The following NDUFAF2 variants were observed in gnomAD, a reference collection of about 807,000 sequenced individuals.
NDUFAF2 encodes the protein NADH:ubiquinone oxidoreductase complex assembly factor 2, also known as NADH dehydrogenase [ubiquinone] 1 alpha subcomplex assembly factor 2.
NDUFAF2 carries 13 observed loss-of-function variants against 22.8 expected under a neutral mutation model. The observed-to-expected ratio is 0.57, with a 90% confidence interval of 0.37 to 0.91. The LOEUF is 0.91. Ranked by LOEUF, NDUFAF2 falls within the 40% of genes least tolerant of loss-of-function variation. NDUFAF2 has a pLI of 0.01. For missense variants in NDUFAF2, 162 were observed against 195.2 expected (o/e 0.83, Z 1.01); for synonymous variants, 53 against 64.2 (o/e 0.83, Z 0.84).
chr5:61,062,800 C>T (rs906002985), intron 1 of NDUFAF2, among the ~76,000 whole-genome samples: 1 of 151,898 alleles, frequency 6.6e-6, no homozygotes, highest in Non-Finnish European at 1.5e-5. Context: ...GTAAAAGAAG[C>T]AAGAAAAAAG....
At chr5:61,034,719 A>G (rs1176063440) in intron 1 of NDUFAF2, among the ~76,000 whole-genome samples, 5 of 152,218 alleles carry the variant, frequency 3.3e-5, no homozygotes, top group African/African-American at 9.6e-5. Context: ...ACAAAACAGC[A>G]TGTTCAAACT....
At chr5:61,088,657 G>C (rs1752532889) in intron 2 of NDUFAF2, among the ~76,000 whole-genome samples, 1 of 152,106 alleles carries the variant, frequency 6.6e-6, no homozygotes, top group African/African-American at 2.4e-5. Context: ...CACAAAATTT[G>C]TAACTTAAAG....
intron 1 of NDUFAF2, among the ~76,000 whole-genome samples, chr5:61,058,332 C>G (rs1267443379): frequency 2.0e-5 from 3 of 151,940 alleles, no homozygotes; most frequent in African/African-American, 4.8e-5. Context: ...ATTAGATTTT[C>G]AAAGTGAAAA....
At chr5:61,022,722 G>GCAAC (rs1751600013) in intron 1 of NDUFAF2, among the ~76,000 whole-genome samples, 1 of 152,158 alleles carries the variant, frequency 6.6e-6, no homozygotes, top group Non-Finnish European at 1.5e-5. Context: ...TCAGCTCACT[G>GCAAC]CAACCTCTGC....
chr5:60,956,657 AT>A (rs1170214614), intron 1 of NDUFAF2, among the ~76,000 whole-genome samples: 3 of 152,106 alleles, frequency 2.0e-5, no homozygotes, highest in Admixed American at 6.5e-5. Flanking sequence ...TGATTTGTAT[AT>A]GTTATCTCAA....
chr5:61,068,332 GTTA>G (rs1324271653), intron 1 of NDUFAF2, among the ~76,000 whole-genome samples: 3 of 152,064 alleles, frequency 2.0e-5, no homozygotes, highest in Non-Finnish European at 4.4e-5. Context: ...CAAAAGAAAT[GTTA>G]TTAACACACT....
chr5:61,090,806 A>G (rs967064871), intron 2 of NDUFAF2, among the ~76,000 whole-genome samples: 1 of 152,024 alleles, frequency 6.6e-6, no homozygotes, highest in East Asian at 1.9e-4. Context: ...CTAGTACCCC[A>G]TTAGTTATTT....
intron 1 of NDUFAF2, among the ~76,000 whole-genome samples, chr5:60,989,325 T>G (rs188298118): frequency 6.6e-6 from 1 of 152,256 alleles, no homozygotes; most frequent in Non-Finnish European, 1.5e-5. Flanking sequence ...TGTAAATTAG[T>G]TCACCCATTG....
intron 2 of NDUFAF2, among the ~76,000 whole-genome samples, chr5:61,094,805 G>A (rs370818644): frequency 4.7e-4 from 72 of 152,276 alleles, no homozygotes; most frequent in African/African-American, 1.7e-3. Flanking sequence ...TGAAGGCTGC[G>A]AAACAGCAAA....
chr5:60,972,961 A>AT (rs201964798), intron 1 of NDUFAF2, among the ~76,000 whole-genome samples: 197 of 149,834 alleles, frequency 1.3e-3, no homozygotes, highest in African/African-American at 3.8e-3. Context: ...ATTCTCACCC[A>AT]TTTTTTTTAC....
At chr5:60,961,198 G>A (rs1258164559) in intron 1 of NDUFAF2, among the ~76,000 whole-genome samples, 2 of 152,142 alleles carry the variant, frequency 1.3e-5, no homozygotes, top group East Asian at 1.9e-4. Context: ...GGTGGTTCAC[G>A]CCTGTAATCC....
intron 3 of NDUFAF2, among the ~76,000 whole-genome samples, chr5:61,139,933 A>G (rs1370931141): frequency 6.6e-6 from 1 of 152,164 alleles, no homozygotes; most frequent in Non-Finnish European, 1.5e-5. Context: ...CCACTTTCGG[A>G]TAGGGGGACC....
intron 3 of NDUFAF2, among the ~76,000 whole-genome samples, chr5:61,120,035 A>G (rs889321352): frequency 6.6e-6 from 1 of 152,170 alleles, no homozygotes; most frequent in African/African-American, 2.4e-5. Flanking sequence ...ACATTGGTAC[A>G]TAATTGTAAT....
At chr5:61,046,638 G>A (rs1180687611) in intron 1 of NDUFAF2, among the ~76,000 whole-genome samples, 2 of 152,104 alleles carry the variant, frequency 1.3e-5, no homozygotes, top group African/African-American at 4.8e-5. Flanking sequence ...AAGAGGGAAA[G>A]TTAAGAATTT....
intron 2 of NDUFAF2, among the ~76,000 whole-genome samples, chr5:61,077,068 C>G (rs550066404): frequency 6.5e-4 from 99 of 152,218 alleles, no homozygotes; most frequent in Middle Eastern, 3.4e-3. Context: ...TTTGGACATG[C>G]TAAGTTTGAG....
intron 1 of NDUFAF2, among the ~76,000 whole-genome samples, chr5:61,071,336 T>G (rs894684158): frequency 1.3e-5 from 2 of 152,194 alleles, no homozygotes; most frequent in Non-Finnish European, 2.9e-5. Context: ...CATAATGAAA[T>G]GCAGAACTTC....
intron 1 of NDUFAF2, among the ~76,000 whole-genome samples, chr5:61,044,013 CTTG>C (rs1751916483): frequency 6.6e-6 from 1 of 152,066 alleles, no homozygotes. Context: ...CTTGCCAACA[CTTG>C]TTATCTTTTG....
chr5:60,950,571 G>A (rs1362682127), intron 1 of NDUFAF2, among the ~76,000 whole-genome samples: 4 of 149,722 alleles, frequency 2.7e-5, no homozygotes, highest in Non-Finnish European at 3.0e-5. Context: ...TCTGTACCTC[G>A]TTTGCTGAGC....
intron 1 of NDUFAF2, among the ~76,000 whole-genome samples, chr5:61,055,636 G>T (rs1461499689): frequency 6.6e-6 from 1 of 152,180 alleles, no homozygotes; most frequent in Admixed American, 6.6e-5. Context: ...TAGTTAGGTT[G>T]TTCTGCAGCA....
Sources: allele counts gnomAD v4.1 joint callset (sites outside exome capture counted in the v4.1 genomes callset), GRCh38; gene constraint gnomAD v4.1.1; transcripts MANE v1.5; gene names NCBI Gene and HGNC (gene_info 2026-07-23, HGNC 2026-07-21).